The following NUP62CL variants were observed in gnomAD, a reference collection of about 807,000 sequenced individuals.
NUP62CL encodes the protein nucleoporin-62 C-terminal-like protein.
Under a neutral mutation model 15.3 loss-of-function variants are expected in NUP62CL, and 13 were observed. The observed-to-expected ratio is 0.85, with a 90% CI of 0.55 to 1.35. The LOEUF is 1.35. NUP62CL is among the 40% of genes most tolerant of loss of function. The pLI is 0.00. For missense variants in NUP62CL, 123 were observed against 130.6 expected, an observed-to-expected ratio of 0.94 and a Z score of 0.28; for synonymous variants, 54 against 49.2, an observed-to-expected ratio of 1.10 and a Z score of -0.41.
At chrX:107,143,757 G>A (rs970030) in intron 8 of NUP62CL, among the ~76,000 whole-genome samples, 6,017 of 110,952 alleles carry the variant, frequency 0.054, 405 homozygotes, top group African/African-American at 0.19. Flanking sequence ...TTTCTATAAC[G>A]ATTATTTGAG....
At chrX:107,152,173 TATATATATATTCAG>T (rs1926060001) in intron 7 of NUP62CL, among the ~76,000 whole-genome samples, 2 of 91,680 alleles carry the variant, frequency 2.2e-5, no homozygotes, top group African/African-American at 8.1e-5. Context: ...TATATTCAGA[TATATATATATTCAG>T]ATATATATAT....
chrX:107,165,637 G>A (rs771376366), intron 4 of NUP62CL, among the ~76,000 whole-genome samples: 1 of 111,360 alleles, frequency 9.0e-6, no homozygotes, highest in South Asian at 3.8e-4. Context: ...ATGATCAAGT[G>A]GGATTTATTC....
At chrX:107,139,503 G>A (rs1925716731) in intron 8 of NUP62CL, among the ~76,000 whole-genome samples, 1 of 111,289 alleles carries the variant, frequency 9.0e-6, no homozygotes, top group Non-Finnish European at 1.9e-5. Flanking sequence ...AAAGACCAAC[G>A]CACACAAATA....
At chrX:107,153,328 A>G (rs368485783) in intron 6 of NUP62CL, 22 bp from the exon 7 acceptor site, 6 of 1,192,482 alleles carry the variant, frequency 5.0e-6, no homozygotes, top group East Asian at 3.0e-5. Flanking sequence ...AAGTTAATAA[A>G]AAGGCTGATG....
At chrX:107,156,727 C>T (rs1443799438) in intron 4 of NUP62CL, among the ~76,000 whole-genome samples, 1 of 100,920 alleles carries the variant, frequency 9.9e-6, no homozygotes, top group Non-Finnish European at 2.0e-5. Context: ...GAGCGCCTCT[C>T]CTCCTCCAAA....
At chrX:107,177,690 T>C (rs1185212204) in intron 2 of NUP62CL, among the ~76,000 whole-genome samples, 2 of 111,579 alleles carry the variant, frequency 1.8e-5, no homozygotes, top group Non-Finnish European at 3.8e-5. Context: ...TACTACATTA[T>C]ACCCATTAGG....
chrX:107,154,286 CT>C, intron 4 of NUP62CL, 40 bp from the exon 5 acceptor site: 2 of 1,085,843 alleles, frequency 1.8e-6, no homozygotes, highest in Non-Finnish European at 2.5e-6. Flanking sequence ...AATAATCATA[CT>C]TTAAAAAGTG....
chrX:107,202,161 A>G (rs774690842), intron 1 of NUP62CL, among the ~76,000 whole-genome samples: 6 of 111,901 alleles, frequency 5.4e-5, no homozygotes, highest in Non-Finnish European at 7.5e-5. Flanking sequence ...AGTTCTTTAA[A>G]AAGATCAACA....
intron 7 of NUP62CL, among the ~76,000 whole-genome samples, chrX:107,152,095 T>TATATA (rs1317393683): frequency 6.4e-5 from 4 of 62,458 alleles, no homozygotes; most frequent in African/African-American, 3.1e-4. Flanking sequence ...TATATATATA[T>TATATA]TCAGATATAT....
intron 4 of NUP62CL, among the ~76,000 whole-genome samples, chrX:107,160,724 A>G (rs1228285517): frequency 9.0e-6 from 1 of 111,068 alleles, no homozygotes; most frequent in African/African-American, 3.3e-5. Context: ...GGCGTGGGCA[A>G]GGACTTCATG....
At chrX:107,152,031 A>AATATATATATAT (rs754178158) in intron 7 of NUP62CL, among the ~76,000 whole-genome samples, 55 of 70,121 alleles carry the variant, frequency 7.8e-4, no homozygotes, top group Non-Finnish European at 1.1e-3. Flanking sequence ...CTTCATCTTG[A>AATATATATATAT]ATATATATAT....
intron 2 of NUP62CL, among the ~76,000 whole-genome samples, chrX:107,188,677 A>G (rs1342229199): frequency 9.0e-6 from 1 of 111,711 alleles, no homozygotes; most frequent in African/African-American, 3.3e-5. Flanking sequence ...AAGAAATGAA[A>G]CTATATTTGC....
At chrX:107,128,796 A>G (rs775286952) in intron 8 of NUP62CL, among the ~76,000 whole-genome samples, 52 of 112,019 alleles carry the variant, frequency 4.6e-4, no homozygotes, top group African/African-American at 1.6e-3. Flanking sequence ...GAAAACCATA[A>G]ATACTTCTTC....
intron 4 of NUP62CL, among the ~76,000 whole-genome samples, chrX:107,166,663 A>T (rs911280669): frequency 4.5e-5 from 5 of 112,018 alleles, no homozygotes; most frequent in Non-Finnish European, 7.5e-5. Context: ...ACTGGAAACA[A>T]CCTATATGTC....
chrX:107,153,130 G>C (rs369367995), intron 7 of NUP62CL, 42 bp downstream of exon 7: 2 of 1,145,982 alleles, frequency 1.7e-6, no homozygotes, highest in Admixed American at 2.6e-5. Context: ...CTCAGAATAC[G>C]TAAGTCCTGC....
chrX:107,192,294 CAGT>C (rs1340933449), intron 2 of NUP62CL, among the ~76,000 whole-genome samples: 2 of 112,422 alleles, frequency 1.8e-5, no homozygotes, highest in Non-Finnish European at 3.8e-5. Flanking sequence ...AGGGAGTCCA[CAGT>C]ACAGAATTCA....
intron 1 of NUP62CL, among the ~76,000 whole-genome samples, chrX:107,205,770 A>C (rs1927662512): frequency 9.0e-6 from 1 of 111,046 alleles, no homozygotes. Flanking sequence ...AAGTGAACTT[A>C]AGACAACCAG....
At chrX:107,188,000 G>A (rs1927110381) in intron 2 of NUP62CL, among the ~76,000 whole-genome samples, 2 of 112,242 alleles carry the variant, frequency 1.8e-5, no homozygotes, top group Non-Finnish European at 3.8e-5. Context: ...TCCAGGTTGG[G>A]ATGATTTCAT....
chrX:107,177,951 C>T (rs1456643607), intron 2 of NUP62CL, among the ~76,000 whole-genome samples: 2 of 111,150 alleles, frequency 1.8e-5, no homozygotes, highest in Non-Finnish European at 3.8e-5. Flanking sequence ...TAGAAACAAT[C>T]CAAATGCCTA....
Sources: gnomAD v4.1 joint callset for allele counts (sites outside exome capture counted in the v4.1 genomes callset) on GRCh38, gnomAD v4.1.1 for gene constraint, MANE v1.5 for transcripts, NCBI Gene and HGNC (gene_info 2026-07-23, HGNC 2026-07-21) for gene names.